The following PIKFYVE variants were observed in gnomAD, a reference collection of about 807,000 sequenced individuals.
PIKFYVE encodes the protein 1-phosphatidylinositol 3-phosphate 5-kinase.
A neutral mutation model predicts 257.9 loss-of-function variants in PIKFYVE; 122 were observed. The ratio of observed to expected loss-of-function variants is 0.47; its 90% CI spans 0.41 to 0.55. PIKFYVE has a LOEUF of 0.55. Ranked by LOEUF, PIKFYVE falls within the 20% of genes least tolerant of loss-of-function variation. The probability of loss-of-function intolerance (pLI) is 0.00; values close to 1 mark genes in which losing one functional copy is unlikely to be tolerated. For missense variants in PIKFYVE, 2,160 were observed against 2,536.6 expected (o/e 0.85, Z 3.19); for synonymous variants, 892 against 868.9 (o/e 1.03, Z -0.47).
intron 7 of PIKFYVE, among the ~76,000 whole-genome samples, chr2:208,295,967 T>G (rs1692925064): frequency 6.6e-6 from 1 of 152,204 alleles, no homozygotes. Context: ...TGAAAAGCTT[T>G]CCGTTGTTGG....
At chr2:208,268,703 A>G (rs1175166832) in intron 1 of PIKFYVE, among the ~76,000 whole-genome samples, 1 of 151,588 alleles carries the variant, frequency 6.6e-6, no homozygotes, top group Non-Finnish European at 1.5e-5. Flanking sequence ...GTTGATGATT[A>G]TTCTCAGTGG....
At chr2:208,315,525 A>G (rs960476920) in intron 15 of PIKFYVE, 152 bp downstream of exon 15, 12 of 738,316 alleles carry the variant, frequency 1.6e-5, no homozygotes, top group Admixed American at 1.1e-4. Context: ...TTAGCAGCGC[A>G]CTTAGGAGTC....
chr2:208,301,400 A>G (rs1367108539), intron 9 of PIKFYVE, among the ~76,000 whole-genome samples: 3 of 152,220 alleles, frequency 2.0e-5, no homozygotes, highest in African/African-American at 7.2e-5. Flanking sequence ...TTCCCCAGCT[A>G]CTGTTCACTA....
intron 35 of PIKFYVE, among the ~76,000 whole-genome samples, chr2:208,348,599 A>AAGTGTGTGTGTGT (rs559057437): frequency 6.2e-5 from 8 of 128,986 alleles, no homozygotes; most frequent in Middle Eastern, 3.7e-3. Context: ...AAAAAAAAAA[A>AAGTGTGTGTGTGT]GTGTGTGTGT....
intron 38 of PIKFYVE, among the ~76,000 whole-genome samples, chr2:208,352,027 A>G (rs1306989546): frequency 1.3e-5 from 2 of 152,162 alleles, no homozygotes; most frequent in Non-Finnish European, 2.9e-5. Context: ...GTATTATAGG[A>G]TTCAGAGATC....
intron 32 of PIKFYVE, among the ~76,000 whole-genome samples, chr2:208,343,932 C>G (rs1270272556): frequency 6.6e-6 from 1 of 151,384 alleles, no homozygotes. Flanking sequence ...CCGGGTTTCA[C>G]GCCGTTCTCC....
intron 11 of PIKFYVE, 95 bp downstream of exon 11, chr2:208,304,413 A>G: frequency 6.7e-7 from 1 of 1,488,226 alleles, no homozygotes; most frequent in South Asian, 1.1e-5. Flanking sequence ...ATTCAGCTTT[A>G]TAATTTATGG....
chr2:208,276,679 T>A, intron 3 of PIKFYVE, 33 bp from the exon 4 acceptor site: 1 of 1,514,194 alleles, frequency 6.6e-7, no homozygotes, highest in Non-Finnish European at 9.2e-7. Flanking sequence ...TAGGGACTGT[T>A]AACAAGGTTG....
intron 7 of PIKFYVE, among the ~76,000 whole-genome samples, chr2:208,290,747 G>T (rs909241343): frequency 2.6e-5 from 4 of 152,182 alleles, no homozygotes; most frequent in Admixed American, 2.6e-4. Flanking sequence ...ATGAATGAGA[G>T]TTCCTGTTGT....
intron 5 of PIKFYVE, among the ~76,000 whole-genome samples, chr2:208,278,200 G>A (rs1690351085): frequency 6.6e-6 from 1 of 152,044 alleles, no homozygotes. Flanking sequence ...CAGTGATTTG[G>A]GAGTAGAAGA....
intron 6 of PIKFYVE, among the ~76,000 whole-genome samples, chr2:208,286,561 C>T (rs747124704): frequency 5.9e-5 from 9 of 151,988 alleles, no homozygotes; most frequent in African/African-American, 7.3e-5. Context: ...ATTTTTGAGA[C>T]GGCCTTGCTC....
intron 6 of PIKFYVE, 37 bp from the exon 7 acceptor site, chr2:208,288,692 C>A: frequency 1.2e-6 from 2 of 1,612,250 alleles, no homozygotes; most frequent in South Asian, 1.1e-5. Context: ...CTTTTACTGT[C>A]CTGAATTATT....
chr2:208,273,838 G>T, intron 3 of PIKFYVE, 105 bp downstream of exon 3: 1 of 1,440,864 alleles, frequency 6.9e-7, no homozygotes, highest in Non-Finnish European at 9.7e-7. Flanking sequence ...CTGCTATTTG[G>T]AATAGTAAGA....
chr2:208,276,249 T>G (rs1237567704), intron 3 of PIKFYVE, among the ~76,000 whole-genome samples: 1 of 152,242 alleles, frequency 6.6e-6, no homozygotes, highest in Non-Finnish European at 1.5e-5. Flanking sequence ...TTTGGATATA[T>G]GGTCTACAGA....
At chr2:208,324,686 G>A (rs914364168) in intron 18 of PIKFYVE, among the ~76,000 whole-genome samples, 4 of 152,052 alleles carry the variant, frequency 2.6e-5, no homozygotes, top group Non-Finnish European at 4.4e-5. Flanking sequence ...ATGCTTAAGT[G>A]CATTTTTATA....
At chr2:208,274,387 G>A (rs1689836653) in intron 3 of PIKFYVE, among the ~76,000 whole-genome samples, 1 of 152,312 alleles carries the variant, frequency 6.6e-6, no homozygotes, top group Admixed American at 6.5e-5. Flanking sequence ...TTTCAACTTG[G>A]AGTGGTTTGC....
chr2:208,306,007 C>A lies in PIKFYVE; in HGVS notation c.1636+994C>A, dbSNP rs538742099. Among the ~76,000 whole-genome samples, 6 of 152,276 alleles carry A rather than the reference C, an allele frequency of 3.9e-5. No individual in the cohort carries two copies. In the South Asian group the frequency reaches 8.3e-4, roughly 21 times the overall value. ...TCTATTTCGAGCCTAAGAATATGAT[C>A]AGAAAACAGAAGCTTTTGAACCAAA... is the stretch of plus-strand genomic sequence containing the variant. On this transcript the variant is annotated intron_variant, in intron 12 of 41. Transcript: ENST00000264380.
At chr2:208,305,179 CT>C in intron 12 of PIKFYVE, 166 bp downstream of exon 12, 1 of 1,519,474 alleles carries the variant, frequency 6.6e-7, no homozygotes, top group Non-Finnish European at 8.9e-7. Flanking sequence ...CTCCCCATAC[CT>C]TTTTTGGTTG....
At chr2:208,274,004 T>C in intron 3 of PIKFYVE, 1 of 1,610,744 alleles carries the variant, frequency 6.2e-7, no homozygotes, top group South Asian at 1.1e-5. Context: ...ATTAATTACT[T>C]GCTTGGGTTT....
Sources: allele counts gnomAD v4.1 joint callset (sites outside exome capture counted in the v4.1 genomes callset), GRCh38; gene constraint gnomAD v4.1.1; transcripts MANE v1.5; gene names NCBI Gene and HGNC (gene_info 2026-07-23, HGNC 2026-07-21).